Variants in RFX3 observed in about 807,000 individuals in gnomAD.
The protein encoded by RFX3 is transcription factor RFX3.
RFX3 carries 14 observed loss-of-function variants against 98.6 expected under a neutral mutation model. The ratio of observed to expected loss-of-function variants is 0.14; its 90% CI spans 0.09 to 0.22. RFX3 has a LOEUF of 0.22. Ranked by LOEUF, RFX3 falls within the 10% of genes least tolerant of loss-of-function variation. The probability of loss-of-function intolerance (pLI) is 1.00; values close to 1 mark genes in which losing one functional copy is unlikely to be tolerated. For synonymous variants in RFX3, 383 were observed against 328.4 expected (o/e 1.17, Z -1.80); for missense variants, 639 against 926.9 (o/e 0.69, Z 4.03).
intron 1 of RFX3, among the ~76,000 whole-genome samples, chr9:3,491,217 T>C (rs1384438633): frequency 6.6e-6 from 1 of 152,118 alleles, no homozygotes; most frequent in African/African-American, 2.4e-5. Flanking sequence ...TTGAGATTAC[T>C]TGAAGAAGAC....
At chr9:3,324,931 T>G (rs1204202151) in intron 4 of RFX3, among the ~76,000 whole-genome samples, 2 of 152,004 alleles carry the variant, frequency 1.3e-5, no homozygotes, top group Admixed American at 1.3e-4. Context: ...GCCACTGCAC[T>G]CCAGCCTGGG....
intron 1 of RFX3, among the ~76,000 whole-genome samples, chr9:3,401,044 T>A (rs953616426): frequency 9.2e-5 from 14 of 152,104 alleles, no homozygotes; most frequent in African/African-American, 3.4e-4. Flanking sequence ...ATCTTTGGGG[T>A]TCTCAATCGA....
At chr9:3,304,215 C>CA (rs373764234) in intron 4 of RFX3, among the ~76,000 whole-genome samples, 3 of 151,776 alleles carry the variant, frequency 2.0e-5, no homozygotes, top group African/African-American at 7.3e-5. Flanking sequence ...GAGAAGCATA[C>CA]AAAAAATTAA....
At chr9:3,296,158 A>C (rs539318233) in intron 5 of RFX3, among the ~76,000 whole-genome samples, 101 of 152,068 alleles carry the variant, frequency 6.6e-4, no homozygotes, top group Non-Finnish European at 1.3e-3. Context: ...TATAAAAGTA[A>C]AAGCTAGTAC....
intron 1 of RFX3, among the ~76,000 whole-genome samples, chr9:3,503,947 A>G (rs554615724): frequency 6.6e-6 from 1 of 151,578 alleles, no homozygotes; most frequent in Non-Finnish European, 1.5e-5. Context: ...TATTATTGTA[A>G]TTTTTACTTT....
chr9:3,363,335 G>C (rs914549275), intron 2 of RFX3, among the ~76,000 whole-genome samples: 3 of 152,054 alleles, frequency 2.0e-5, no homozygotes, highest in Admixed American at 6.5e-5. Flanking sequence ...ATTAAGTTTG[G>C]CAACTCTAGA....
At chr9:3,380,077 C>G (rs1839015002) in intron 2 of RFX3, among the ~76,000 whole-genome samples, 1 of 152,036 alleles carries the variant, frequency 6.6e-6, no homozygotes, top group Non-Finnish European at 1.5e-5. Context: ...CAGGCATGCA[C>G]CACCATGCCT....
intron 14 of RFX3, among the ~76,000 whole-genome samples, chr9:3,249,106 G>T (rs12002102): frequency 0.044 from 6,616 of 152,062 alleles, 465 homozygotes; most frequent in African/African-American, 0.15. Context: ...ATTTTTGGCA[G>T]ATGAACACTA....
At chr9:3,309,841 T>C (rs1485816043) in intron 4 of RFX3, among the ~76,000 whole-genome samples, 2 of 152,164 alleles carry the variant, frequency 1.3e-5, no homozygotes, top group Non-Finnish European at 2.9e-5. Flanking sequence ...GGCCCTTTGT[T>C]TTGCAGAGTT....
intron 1 of RFX3, among the ~76,000 whole-genome samples, chr9:3,489,696 C>T (rs1850584544): frequency 6.6e-6 from 1 of 152,152 alleles, no homozygotes. Context: ...ACTTATTTGA[C>T]TGCCATTTTA....
At chr9:3,299,507 A>C (rs182023386) in intron 5 of RFX3, among the ~76,000 whole-genome samples, 5 of 151,860 alleles carry the variant, frequency 3.3e-5, no homozygotes, top group Admixed American at 3.3e-4. Flanking sequence ...CTGTGCCTCA[A>C]GGTGTAATAA....
At chr9:3,232,225 T>C (rs1427046335) in intron 15 of RFX3, among the ~76,000 whole-genome samples, 4 of 152,300 alleles carry the variant, frequency 2.6e-5, no homozygotes, top group East Asian at 1.9e-4. Flanking sequence ...CACAAAGGAT[T>C]AGAGGGGGCT....
At chr9:3,252,774 G>A (rs57829871) in intron 14 of RFX3, among the ~76,000 whole-genome samples, 2,846 of 152,100 alleles carry the variant, frequency 0.019, 79 homozygotes, top group African/African-American at 0.059. Context: ...AAATGCACAC[G>A]TAATACTAAA....
intron 4 of RFX3, among the ~76,000 whole-genome samples, chr9:3,320,171 T>C (rs1466058418): frequency 1.3e-5 from 2 of 152,218 alleles, no homozygotes; most frequent in African/African-American, 2.4e-5. Flanking sequence ...CCAAAATTTT[T>C]AAAAATAACA....
chr9:3,271,849 G>C (rs757241307), intron 9 of RFX3, among the ~76,000 whole-genome samples: 9 of 152,292 alleles, frequency 5.9e-5, no homozygotes, highest in Non-Finnish European at 1.2e-4. Context: ...CATGGAGTCA[G>C]CAGGCCTTCA....
intron 2 of RFX3, among the ~76,000 whole-genome samples, chr9:3,382,374 T>A (rs568437675): frequency 1.6e-4 from 24 of 152,308 alleles, no homozygotes; most frequent in African/African-American, 4.8e-4. Flanking sequence ...AACTATAATA[T>A]GAATTTGGGT....
chr9:3,453,169 G>T (rs1312672553), intron 1 of RFX3, among the ~76,000 whole-genome samples: 1 of 151,866 alleles, frequency 6.6e-6, no homozygotes, highest in African/African-American at 2.4e-5. Flanking sequence ...CAGTATAAAT[G>T]GAAGTCTGTA....
At chr9:3,452,610 T>G (rs1564119175) in intron 1 of RFX3, among the ~76,000 whole-genome samples, 1 of 152,102 alleles carries the variant, frequency 6.6e-6, no homozygotes, top group Non-Finnish European at 1.5e-5. Context: ...AACACCATAT[T>G]TGGAAGAATA....
At chr9:3,360,448 G>C (rs532382527) in intron 2 of RFX3, among the ~76,000 whole-genome samples, 1 of 152,130 alleles carries the variant, frequency 6.6e-6, no homozygotes, top group African/African-American at 2.4e-5. Context: ...GTACACATCA[G>C]TATGTTGGCA....
Sources: allele counts gnomAD v4.1 joint callset (sites outside exome capture counted in the v4.1 genomes callset), GRCh38; gene constraint gnomAD v4.1.1; transcripts MANE v1.5; gene names NCBI Gene and HGNC (gene_info 2026-07-23, HGNC 2026-07-21).